FAM110B: variants seen among roughly 807,000 people sequenced by gnomAD.
FAM110B encodes the protein protein FAM110B.
FAM110B carries 6 observed loss-of-function variants against 20.4 expected under a neutral mutation model. The ratio of observed to expected loss-of-function variants is 0.29; its 90% confidence interval spans 0.16 to 0.58. The LOEUF is 0.58. Among genes scored for constraint, FAM110B ranks in the 20% least tolerant of loss-of-function variants. The pLI, the probability that FAM110B is intolerant of heterozygous loss-of-function variation, is 0.90. For missense variants in FAM110B, 434 were observed against 498.2 expected (o/e 0.87, Z 1.23); for synonymous variants, 226 against 214.1 (o/e 1.06, Z -0.49).
At chr8:57,999,540 T>G (rs901408973) in intron 1 of FAM110B, among the ~76,000 whole-genome samples, 7 of 152,134 alleles carry the variant, frequency 4.6e-5, no homozygotes, top group Admixed American at 2.0e-4. Flanking sequence ...TCCCATTAAC[T>G]GGAACTTAAT....
intron 1 of FAM110B, among the ~76,000 whole-genome samples, chr8:58,002,058 G>C (rs900784828): frequency 3.3e-5 from 5 of 151,992 alleles, no homozygotes; most frequent in Non-Finnish European, 5.9e-5. Context: ...GAGAGAGACA[G>C]AGAGAATTCA....
intron 3 of FAM110B, chr8:58,100,799 T>C (rs1307808237): frequency 5.3e-5 from 8 of 152,200 alleles, no homozygotes; most frequent in Admixed American, 5.2e-4. Flanking sequence ...TACAATGCAT[T>C]CTGAGGTATT....
At chr8:58,043,373 T>C (rs1352826540) in intron 2 of FAM110B, 2 of 152,204 alleles carry the variant, frequency 1.3e-5, no homozygotes, top group African/African-American at 2.4e-5. Context: ...GAAACTTGAG[T>C]TGTAAAACAG....
At chr8:58,001,153 A>AT (rs1014642852) in intron 1 of FAM110B, among the ~76,000 whole-genome samples, 22 of 151,482 alleles carry the variant, frequency 1.5e-4, no homozygotes, top group African/African-American at 4.4e-4. Context: ...TTTAATGAAG[A>AT]TTTTTTTTTC....
chr8:58,053,603 G>A (rs1046299644), intron 2 of FAM110B, among the ~76,000 whole-genome samples: 4 of 152,124 alleles, frequency 2.6e-5, no homozygotes, highest in African/African-American at 9.7e-5. Flanking sequence ...CATATTTATG[G>A]TATCTAAAGC....
intron 3 of FAM110B, among the ~76,000 whole-genome samples, chr8:58,080,610 T>C (rs1806164335): frequency 6.6e-6 from 1 of 152,216 alleles, no homozygotes; most frequent in African/African-American, 2.4e-5. Flanking sequence ...GCCAGGACCC[T>C]GTGTTTAGTG....
At position 58,062,956 on chromosome 8, in the gene FAM110B, A is replaced by G. The variant is rs562331743; in HGVS notation, c.-413-12579A>G. On this transcript the variant is annotated intron_variant, in intron 2 of 3. Coordinates refer to ENST00000519262, the MANE Select transcript of FAM110B (RefSeq NM_001377989.1). ...ACCAGCGCCAACAGAGGCTTTCCCT[A>G]ATGTCTAATAATAATCAGCAAATTG... Among the ~76,000 whole-genome samples the G allele has an allele frequency of 1.5e-3, 232 of 152,320 alleles. 1 individual carries two copies. The highest frequency in any genetic ancestry group is 3.0e-3 in the Non-Finnish European group (203 of 68,020).
chr8:58,061,916 G>A (rs1376031258), intron 2 of FAM110B, among the ~76,000 whole-genome samples: 1 of 152,142 alleles, frequency 6.6e-6, no homozygotes, highest in Admixed American at 6.5e-5. Context: ...GTTAACCCAA[G>A]AAAGAGAAAG....
chr8:58,079,958 T>C (rs566741326), intron 3 of FAM110B, among the ~76,000 whole-genome samples: 1 of 152,236 alleles, frequency 6.6e-6, no homozygotes, highest in Admixed American at 6.5e-5. Flanking sequence ...GCTACAGTTA[T>C]GACCATGGAC....
intron 1 of FAM110B, among the ~76,000 whole-genome samples, chr8:58,022,191 G>C (rs1299699280): frequency 6.6e-6 from 1 of 152,234 alleles, no homozygotes; most frequent in East Asian, 1.9e-4. Context: ...TATTCTGAAA[G>C]CTAAATGTCC....
At chr8:57,999,913 A>T (rs1234362194) in intron 1 of FAM110B, among the ~76,000 whole-genome samples, 1 of 152,144 alleles carries the variant, frequency 6.6e-6, no homozygotes, top group African/African-American at 2.4e-5. Context: ...AAATATATAT[A>T]CACATCCATG....
chr8:58,030,545 T>C (rs1050497978), intron 1 of FAM110B, among the ~76,000 whole-genome samples: 6 of 146,266 alleles, frequency 4.1e-5, no homozygotes, highest in Non-Finnish European at 7.4e-5. Context: ...CTGAGGACGC[T>C]GGCATAGATC....
At chr8:58,057,837 T>C (rs1805578376) in intron 2 of FAM110B, among the ~76,000 whole-genome samples, 1 of 152,252 alleles carries the variant, frequency 6.6e-6, no homozygotes, top group Non-Finnish European at 1.5e-5. Flanking sequence ...ACCAGGCACA[T>C]GGAAGTTGCT....
chr8:58,032,344 A>G (rs1351544078), intron 2 of FAM110B: 1 of 152,236 alleles, frequency 6.6e-6, no homozygotes, highest in Non-Finnish European at 1.5e-5. Context: ...TAGTATATAT[A>G]TTTTTAATTA....
intron 2 of FAM110B, among the ~76,000 whole-genome samples, chr8:58,071,609 C>T (rs1274242892): frequency 1.3e-5 from 2 of 152,198 alleles, no homozygotes. Context: ...CCAACCGTGC[C>T]TCCCTCCCCA....
chr8:57,996,477 C>T (rs1804187066), intron 1 of FAM110B, among the ~76,000 whole-genome samples: 1 of 152,118 alleles, frequency 6.6e-6, no homozygotes, highest in Non-Finnish European at 1.5e-5. Flanking sequence ...TGTTATTATG[C>T]CTATGACTGA....
At chr8:58,113,137 CTTTT>C in intron 3 of FAM110B, 1 of 148,636 alleles carries the variant, frequency 6.7e-6, no homozygotes, top group South Asian at 2.2e-4. Flanking sequence ...AAGATCTTGC[CTTTT>C]TTTTTTCATT....
intron 1 of FAM110B, among the ~76,000 whole-genome samples, chr8:58,012,088 C>G (rs567299711): frequency 2.6e-5 from 4 of 152,258 alleles, no homozygotes; most frequent in Middle Eastern, 3.4e-3. Flanking sequence ...TGTCAAAAAC[C>G]TACAAGGCAA....
chr8:57,996,606 G>A lies in FAM110B; in HGVS notation c.-512+1800G>A, dbSNP rs760404232. ...AGTCATGCCCTGGTGCCTTTCATAA[G>A]GAGACCTGGTTGTCTTTAAGAGCCT... On this transcript the variant is annotated intron_variant, in intron 1 of 3. Coordinates refer to ENST00000519262, the MANE Select transcript of FAM110B (RefSeq NM_001377989.1). Among the ~76,000 whole-genome samples the A allele has an allele frequency of 6.6e-5, 10 of 152,282 alleles. No homozygotes were observed. In the East Asian group the frequency reaches 1.4e-3, roughly 21 times the overall value.
Sources: allele counts gnomAD v4.1 joint callset (sites outside exome capture counted in the v4.1 genomes callset), GRCh38; gene constraint gnomAD v4.1.1; transcripts MANE v1.5; gene names NCBI Gene and HGNC (gene_info 2026-07-23, HGNC 2026-07-21).